PRKCA: variants seen among roughly 807,000 people sequenced by gnomAD.
The protein encoded by PRKCA is protein kinase C alpha.
PRKCA carries 27 observed loss-of-function variants against 87.0 expected under a neutral mutation model. That is an observed-to-expected ratio of 0.31 (90% CI 0.23 to 0.43). The LOEUF (loss-of-function observed/expected upper bound fraction) is 0.43, where lower values mean the gene tolerates loss of function less well. Among genes scored for constraint, PRKCA ranks in the 20% least tolerant of loss-of-function variants. The pLI, the probability that PRKCA is intolerant of heterozygous loss-of-function variation, is 1.00. For missense variants in PRKCA, 518 were observed against 852.3 expected, an observed-to-expected ratio of 0.61 and a Z score of 4.88; for synonymous variants, 329 against 311.1, an observed-to-expected ratio of 1.06 and a Z score of -0.61.
intron 3 of PRKCA, among the ~76,000 whole-genome samples, chr17:66,539,114 T>G (rs1472294972): frequency 6.6e-6 from 1 of 152,236 alleles, no homozygotes; most frequent in South Asian, 2.1e-4. Flanking sequence ...ACATTTTTTA[T>G]TGGAGACTGA....
intron 2 of PRKCA, among the ~76,000 whole-genome samples, chr17:66,421,675 G>A (rs1912504181): frequency 6.6e-6 from 1 of 151,096 alleles, no homozygotes; most frequent in Non-Finnish European, 1.5e-5. Flanking sequence ...TGGGATTACA[G>A]GCACCCGCCA....
intron 8 of PRKCA, chr17:66,703,594 A>G (rs764341680): frequency 6.6e-6 from 1 of 152,220 alleles, no homozygotes; most frequent in Non-Finnish European, 1.5e-5. Context: ...TAGGAGTTCA[A>G]GACCAGCTGG....
chr17:66,776,460 C>G (rs1975051797), intron 14 of PRKCA, among the ~76,000 whole-genome samples: 1 of 152,124 alleles, frequency 6.6e-6, no homozygotes, highest in Non-Finnish European at 1.5e-5. Context: ...CAGGCACCTG[C>G]CAACACGCTT....
intron 8 of PRKCA, among the ~76,000 whole-genome samples, chr17:66,724,090 T>G (rs758156680): frequency 4.9e-4 from 75 of 152,242 alleles, no homozygotes; most frequent in South Asian, 6.2e-4. Context: ...TTAAAATGCA[T>G]GTTTGGACTT....
At position 66,422,985 on chromosome 17, in the gene PRKCA, C is replaced by T. The variant is rs1385575275; in HGVS notation, c.206-73216C>T. ...AATTAGCTGAGCATAGTGGCAGGCACCTGTAATCCTAGCTACTCGGGAGGC... is the reference window on the plus strand; with the variant it reads ...AATTAGCTGAGCATAGTGGCAGGCATCTGTAATCCTAGCTACTCGGGAGGC... On this transcript the variant is annotated intron_variant, in intron 2 of 16. Transcript: ENST00000413366. Among the ~76,000 whole-genome samples, 7 of 152,186 alleles carry T rather than the reference C, an allele frequency of 4.6e-5. No homozygotes were observed. The South Asian group carries it at 1.5e-3, about 32-fold the overall frequency.
chr17:66,427,109 G>A (rs1912853043), intron 2 of PRKCA, among the ~76,000 whole-genome samples: 1 of 152,066 alleles, frequency 6.6e-6, no homozygotes, highest in South Asian at 2.1e-4. Context: ...TTGGCTCACT[G>A]CAACCTCCAC....
intron 2 of PRKCA, among the ~76,000 whole-genome samples, chr17:66,406,961 G>A (rs1413591509): frequency 2.6e-5 from 4 of 152,082 alleles, no homozygotes; most frequent in African/African-American, 7.2e-5. Context: ...TTGAGAAAAC[G>A]ATTGCACTTC....
chr17:66,803,067 G>T lies in PRKCA; in HGVS notation c.1855-806G>T, dbSNP rs1975936270. ...TTTTGGGGTCAGGCTACCAAGCCGTGCTGCCTAAGCGGCTGTGTGTCTCAG... is the reference window on the plus strand; with the variant it reads ...TTTTGGGGTCAGGCTACCAAGCCGTTCTGCCTAAGCGGCTGTGTGTCTCAG... On this transcript the variant is annotated intron_variant, in intron 16 of 16. Transcript: ENST00000413366. This position sits in a 1 kb window ranked among gnomAD's most constrained non-coding sequence, Gnocchi z 4.4. 6.6e-6 allele frequency among the ~76,000 whole-genome samples: 1 copy of T among 152,198 alleles called. No individual in the cohort carries two copies. Among genetic ancestry groups the T allele is most frequent in the African/African-American group, 2.4e-5 (1 of 41,442 alleles).
At chr17:66,363,972 A>ATT (rs1360476887) in intron 2 of PRKCA, 2 of 152,406 alleles carry the variant, frequency 1.3e-5, no homozygotes, top group Admixed American at 1.3e-4. Flanking sequence ...AATTGCTGGG[A>ATT]TTACAGGCAT....
chr17:66,569,288 G>A (rs1968994112), intron 3 of PRKCA, among the ~76,000 whole-genome samples: 1 of 152,192 alleles, frequency 6.6e-6, no homozygotes, highest in Middle Eastern at 3.2e-3. Context: ...TAAAAAAAAG[G>A]TCAGGTGCGG....
chr17:66,658,241 A>G, intron 5 of PRKCA, among the ~76,000 whole-genome samples: 1 of 152,144 alleles, frequency 6.6e-6, no homozygotes, highest in South Asian at 2.1e-4. Flanking sequence ...GCACTTTGGG[A>G]GGTCAAGGTG....
chr17:66,327,783 GTC>G (rs1906075292), intron 2 of PRKCA, among the ~76,000 whole-genome samples: 2 of 152,130 alleles, frequency 1.3e-5, no homozygotes, highest in South Asian at 4.1e-4. Context: ...ACAGAATGAG[GTC>G]TGAAATTTTA....
At chr17:66,582,673 G>A (rs780238891) in intron 3 of PRKCA, among the ~76,000 whole-genome samples, 2 of 152,120 alleles carry the variant, frequency 1.3e-5, no homozygotes, top group Admixed American at 6.5e-5. Flanking sequence ...TATTAGCAGC[G>A]TGAGAGCAGA....
chr17:66,379,356 A>G (rs1399200137), intron 2 of PRKCA, among the ~76,000 whole-genome samples: 3 of 152,230 alleles, frequency 2.0e-5, no homozygotes, highest in South Asian at 2.1e-4. Flanking sequence ...GGTAAGACCA[A>G]TGATGCTGAG....
chr17:66,774,635 T>C, intron 14 of PRKCA: 2 of 987,604 alleles, frequency 2.0e-6, no homozygotes, highest in Non-Finnish European at 2.4e-6. Context: ...GAAAAAAATG[T>C]GCACGTTGAT....
rs533868930 is a variant in PRKCA at position 66,322,936 on chromosome 17, G to C, written c.205+16809G>C. The stretch of plus-strand genomic sequence containing the variant: ...TGCCCAAGGCTAAGTAGTAAAACTT[G>C]ACCAGTCCTCCATGTGCCTCATCCC... On this transcript the variant is annotated intron_variant, in intron 2 of 16. Transcript: ENST00000413366. 5.9e-5 allele frequency among the ~76,000 whole-genome samples: 9 copies of C among 152,186 alleles called. No homozygotes were observed. In the South Asian group the frequency reaches 1.7e-3, roughly 28 times the overall value.
chr17:66,648,048 C>G (rs1441942107), intron 5 of PRKCA, among the ~76,000 whole-genome samples: 1 of 152,046 alleles, frequency 6.6e-6, no homozygotes, highest in Non-Finnish European at 1.5e-5. Flanking sequence ...AGTACAAGAT[C>G]GAGGCCCCAG....
chr17:66,766,734 G>T (rs889112752), intron 13 of PRKCA, among the ~76,000 whole-genome samples: 1 of 151,728 alleles, frequency 6.6e-6, no homozygotes. Context: ...CTTGAACCCG[G>T]GAGGCAGAGG....
chr17:66,666,962 A>G (rs1265186801), intron 5 of PRKCA, among the ~76,000 whole-genome samples: 1 of 152,232 alleles, frequency 6.6e-6, no homozygotes, highest in Non-Finnish European at 1.5e-5. Flanking sequence ...ATCATGTGCT[A>G]TGAAAATGGA....
Sources: allele counts gnomAD v4.1 joint callset (sites outside exome capture counted in the v4.1 genomes callset), GRCh38; gene constraint gnomAD v4.1.1; non-coding constraint Gnocchi (gnomAD v3.1); transcripts MANE v1.5; gene names NCBI Gene and HGNC (gene_info 2026-07-23, HGNC 2026-07-21).